Variants in PHF20L1 observed in about 807,000 individuals in gnomAD.
PHF20L1 encodes the protein PHD finger protein 20-like protein 1.
Under a neutral mutation model 125.5 loss-of-function variants are expected in PHF20L1, and 44 were observed. The observed-to-expected ratio is 0.35, with a 90% CI of 0.28 to 0.45. The LOEUF is 0.45. Ranked by LOEUF, PHF20L1 falls within the 20% of genes least tolerant of loss-of-function variation. The probability of loss-of-function intolerance (pLI) is 1.00; values close to 1 mark genes in which losing one functional copy is unlikely to be tolerated. For missense variants in PHF20L1, 1,012 were observed against 1,217.2 expected (o/e 0.83, Z 2.51); for synonymous variants, 380 against 403.1 (o/e 0.94, Z 0.69).
rs766579765 is a variant in PHF20L1, at chr8:132,832,410, C to CCA, written c.1909+12_1909+13dup. 1.7e-5 allele frequency: 27 copies of CCA among 1,591,670 alleles called. No individual in the cohort carries two copies. The highest frequency in any genetic ancestry group is 2.0e-5 in the Non-Finnish European group (23 of 1,161,258). On this transcript the variant is annotated intron_variant, in intron 15 of 20. Coordinates refer to ENST00000395386, the MANE Select transcript of PHF20L1 (RefSeq NM_016018.5). ...ATCTTAGTGGTGAAAGTATGTGTAA[C>CCA]CATGTGATGGTTAAAACAAGACTTA...
rs535998759 is a variant in PHF20L1 at position 132,778,439 on chromosome 8, G to C, written c.83+528G>C. On this transcript the variant is annotated intron_variant, in intron 2 of 20. Coordinates refer to ENST00000395386, the MANE Select transcript of PHF20L1 (RefSeq NM_016018.5). ...CACACTTAACCTCCTATTTTCCCTG[G>C]TGGGCCTTAACCTAAAGGCAGGTTG... Among the ~76,000 whole-genome samples the C allele has an allele frequency of 8.2e-4, 125 of 152,182 alleles. 3 individuals carry two copies. The South Asian group carries it at 0.025, about 31-fold the overall frequency.
chr8:132,839,958 A>AT (rs536942488), intron 18 of PHF20L1, among the ~76,000 whole-genome samples: 6 of 151,424 alleles, frequency 4.0e-5, no homozygotes, highest in South Asian at 2.1e-4. Flanking sequence ...CAGGGTGAGT[A>AT]TTTTTTTTTA....
At chr8:132,786,793 A>G (rs1031621456) in intron 2 of PHF20L1, among the ~76,000 whole-genome samples, 1 of 152,254 alleles carries the variant, frequency 6.6e-6, no homozygotes, top group Admixed American at 6.5e-5. Context: ...AAAATAATGC[A>G]TGTTATATGC....
chr8:132,825,012 C>T, intron 13 of PHF20L1: 1 of 1,408,734 alleles, frequency 7.1e-7, no homozygotes, highest in Middle Eastern at 2.0e-4. Flanking sequence ...AAGGTTTTAA[C>T]TACTGTCTGT....
chr8:132,822,636 A>G (rs1035385215), intron 12 of PHF20L1, among the ~76,000 whole-genome samples: 3 of 152,134 alleles, frequency 2.0e-5, no homozygotes, highest in African/African-American at 7.2e-5. Context: ...TTTCTTCAAC[A>G]GTCTTGCTAA....
intron 9 of PHF20L1, chr8:132,812,819 A>T (rs1834548759): frequency 1.0e-6 from 1 of 978,318 alleles, no homozygotes; most frequent in Non-Finnish European, 1.2e-6. Flanking sequence ...AGTTAAAGTA[A>T]TGTCACTCAT....
Position 132,817,321 on chromosome 8 carries a change from A to G in PHF20L1, c.1373-18A>G. 6.3e-7 allele frequency: 1 copy of G among 1,594,660 alleles called. No individual in the cohort carries two copies. The highest frequency in any genetic ancestry group is 8.6e-7 in the Non-Finnish European group (1 of 1,163,610). On this transcript the variant is annotated intron_variant, in intron 11 of 20. Coordinates refer to ENST00000395386, the MANE Select transcript of PHF20L1 (RefSeq NM_016018.5). Reference sequence around the variant, plus strand: ...TTTATCTGTGTTAATATTACATTACACTCTTTATTTTGTGTAGTGCCTGAT... The same window carrying G: ...TTTATCTGTGTTAATATTACATTACGCTCTTTATTTTGTGTAGTGCCTGAT...
intron 4 of PHF20L1, among the ~76,000 whole-genome samples, chr8:132,795,026 T>C (rs1294374878): frequency 3.9e-5 from 6 of 152,154 alleles, no homozygotes; most frequent in Non-Finnish European, 7.4e-5. Context: ...TTTAAATTAG[T>C]AGACAAAAAT....
chr8:132,793,199 C>CG (rs1338769460), intron 2 of PHF20L1, among the ~76,000 whole-genome samples: 1 of 151,806 alleles, frequency 6.6e-6, no homozygotes, highest in Non-Finnish European at 1.5e-5. Flanking sequence ...GTTTAGGGCT[C>CG]GGACGGAAAG....
At chr8:132,778,059 T>C (rs894546304) in intron 2 of PHF20L1, 148 bp downstream of exon 2, 2 of 582,280 alleles carry the variant, frequency 3.4e-6, no homozygotes, top group Admixed American at 3.3e-5. Context: ...TTAGTTTTCC[T>C]ACTCTTTAGG....
chr8:132,842,249 TAGA>T, intron 18 of PHF20L1: 1 of 290,116 alleles, frequency 3.4e-6, no homozygotes, highest in Non-Finnish European at 6.3e-6. Context: ...GACAAATCAG[TAGA>T]AAAAGAAATG....
At chr8:132,815,470 A>G (rs1308568158) in intron 10 of PHF20L1, 1 of 151,886 alleles carries the variant, frequency 6.6e-6, no homozygotes, top group Non-Finnish European at 1.5e-5. Context: ...CTCCCTATAT[A>G]TCTGTATATA....
intron 12 of PHF20L1, among the ~76,000 whole-genome samples, chr8:132,820,227 A>G (rs923497514): frequency 6.6e-6 from 1 of 151,824 alleles, no homozygotes; most frequent in East Asian, 1.9e-4. Context: ...GAGCCAGCCA[A>G]TTTTAGATAA....
chr8:132,815,269 T>C (rs1017147698), intron 10 of PHF20L1: 1 of 154,780 alleles, frequency 6.5e-6, no homozygotes, highest in African/African-American at 2.4e-5. Context: ...TCTATAACTT[T>C]CCTCTGCAAT....
intron 6 of PHF20L1, among the ~76,000 whole-genome samples, chr8:132,800,521 G>A (rs114316498): frequency 1.3e-5 from 2 of 151,640 alleles, no homozygotes; most frequent in South Asian, 4.1e-4. Context: ...GGCCTATCTT[G>A]TATAATATCT....
chr8:132,798,244 T>G lies in PHF20L1; in HGVS notation c.341-528T>G, dbSNP rs554523025. Among the ~76,000 whole-genome samples, 29 of 152,110 alleles carry G rather than the reference T, an allele frequency of 1.9e-4. No individual in the cohort carries two copies. In the South Asian group the frequency reaches 3.3e-3, roughly 17 times the overall value. ...TGAGCTACTTATGAAGACTTTTATC[T>G]AGATGATTTGTAAAATATTTTCTAC... On this transcript the variant is annotated intron_variant, in intron 4 of 20. Coordinates refer to ENST00000395386, the MANE Select transcript of PHF20L1 (RefSeq NM_016018.5).
At chr8:132,819,188 G>A (rs1478318824) in intron 12 of PHF20L1, among the ~76,000 whole-genome samples, 3 of 151,800 alleles carry the variant, frequency 2.0e-5, no homozygotes, top group African/African-American at 7.3e-5. Context: ...AGTAACTATT[G>A]GAAAAGTAAA....
Position 132,803,990 on chromosome 8 carries a change from G to A in PHF20L1, c.679G>A (p.Val227Ile), listed in dbSNP as rs201918932. The A allele has an allele frequency of 2.9e-4, 460 of 1,611,956 alleles. No homozygotes were observed. Among genetic ancestry groups the A allele is most frequent in the Non-Finnish European group, 3.8e-4 (444 of 1,178,516 alleles). ...ETSTCIATPD[V>I]EKKEDLPTSS... is the part of the protein sequence containing the mutation. ...TTCAACTTGTATAGCCACACCAGACGTAGAGAAGAAGGAAGATCTGCCTAC... is the reference window on the plus strand; with the variant it reads ...TTCAACTTGTATAGCCACACCAGACATAGAGAAGAAGGAAGATCTGCCTAC... Residue 227 changes from valine (V) to isoleucine (I), a missense_variant, in exon 7 of 21, where the codon GTA (valine) becomes ATA (isoleucine). Coordinates refer to ENST00000395386, the MANE Select transcript of PHF20L1 (RefSeq NM_016018.5).
intron 10 of PHF20L1, chr8:132,816,628 G>T (rs963014737): frequency 3.0e-6 from 1 of 332,070 alleles, no homozygotes; most frequent in Admixed American, 4.4e-5. Context: ...TCACTTGGGG[G>T]AGCTACTTGA....
Sources: allele counts gnomAD v4.1 joint callset (sites outside exome capture counted in the v4.1 genomes callset), GRCh38; gene constraint gnomAD v4.1.1; transcripts MANE v1.5; gene names NCBI Gene and HGNC (gene_info 2026-07-23, HGNC 2026-07-21).